The following HGSNAT variants were observed in gnomAD, a reference collection of about 807,000 sequenced individuals.
HGSNAT encodes the protein transmembrane protein 76.
A neutral mutation model predicts 85.2 loss-of-function variants in HGSNAT; 59 were observed. The observed-to-expected ratio is 0.69, with a 90% CI of 0.56 to 0.86. The LOEUF (loss-of-function observed/expected upper bound fraction) is 0.86. Ranked by LOEUF, HGSNAT falls within the 40% of genes least tolerant of loss-of-function variation. HGSNAT has a pLI of 0.00. For missense variants in HGSNAT, 756 were observed against 777.1 expected (o/e 0.97, Z 0.32); for synonymous variants, 321 against 304.5 (o/e 1.05, Z -0.56).
intron 2 of HGSNAT, among the ~76,000 whole-genome samples, chr8:43,148,372 A>T (rs1802781383): frequency 6.6e-6 from 1 of 151,802 alleles, no homozygotes; most frequent in South Asian, 2.1e-4. Context: ...TATATATAGT[A>T]ATGCTATATC....
intron 5 of HGSNAT, among the ~76,000 whole-genome samples, chr8:43,165,044 A>ATTTT (rs1175997527): frequency 2.8e-5 from 2 of 72,028 alleles, no homozygotes; most frequent in Admixed American, 1.5e-4. Context: ...CACCATGATA[A>ATTTT]TTTTTTTTTT....
chr8:43,194,308 G>C (rs1055302844), intron 14 of HGSNAT: 5 of 763,886 alleles, frequency 6.5e-6, no homozygotes, highest in Non-Finnish European at 8.0e-6. Flanking sequence ...TGAGGTAGGA[G>C]TATGGCTTGA....
At chr8:43,148,046 C>T (rs1802771526) in intron 2 of HGSNAT, among the ~76,000 whole-genome samples, 1 of 152,044 alleles carries the variant, frequency 6.6e-6, no homozygotes. Context: ...AGTTCGAGAC[C>T]AGCCTGACCA....
intron 4 of HGSNAT, among the ~76,000 whole-genome samples, chr8:43,160,007 A>G (rs1412512308): frequency 1.3e-5 from 2 of 152,236 alleles, no homozygotes; most frequent in African/African-American, 4.8e-5. Flanking sequence ...CAATTTAAGC[A>G]TTAAGAAGAA....
At chr8:43,187,792 T>G (rs552226852) in intron 11 of HGSNAT, among the ~76,000 whole-genome samples, 39 of 152,234 alleles carry the variant, frequency 2.6e-4, no homozygotes, top group Non-Finnish European at 5.3e-4. Flanking sequence ...GGTTGTTCCT[T>G]TCCATGTTTA....
intron 11 of HGSNAT, among the ~76,000 whole-genome samples, chr8:43,188,161 C>G (rs1392084401): frequency 6.6e-6 from 1 of 152,206 alleles, no homozygotes; most frequent in Admixed American, 6.5e-5. Flanking sequence ...GTGGTGTTCT[C>G]TGTATTTCCT....
chr8:43,201,745 C>T lies in HGSNAT; in HGVS notation c.*2176C>T, dbSNP rs1804923365. The T allele has an allele frequency of 6.6e-6, 1 of 152,200 alleles. No homozygotes were observed. Among genetic ancestry groups the T allele is most frequent in the South Asian group, 2.1e-4 (1 of 4,830 alleles). The allele number at this position is 152,200 out of a possible 1,614,324, so 9.4% of individuals were successfully genotyped here. A position where few individuals can be genotyped will look rare whatever the true frequency, so the allele number is the denominator to read the frequency against. On this transcript the variant is annotated 3_prime_UTR_variant, in exon 18 of 18. Transcript: ENST00000379644. The surrounding 1 kb of genome is among the most constrained non-coding windows in gnomAD (Gnocchi z 4.4). The stretch of plus-strand genomic sequence containing the variant: ...GAGCTTCCTAAGGCAAGAATCATGC[C>T]TTGTTGGTTTCTGTATTCCTCATGG...
chr8:43,201,393 T>C lies in HGSNAT; in HGVS notation c.*1824T>C, dbSNP rs547168068. On this transcript the variant is annotated 3_prime_UTR_variant, in exon 18 of 18. Coordinates refer to ENST00000379644, the MANE Select transcript of HGSNAT (RefSeq NM_152419.3). The surrounding 1 kb of genome is among the most constrained non-coding windows in gnomAD (Gnocchi z 4.4). ...TCTCTCCTCCACCTCCCCATCCTCT[T>C]GTCTCCCCTCCCCTCTGAATCCAGC... 1.3e-5 allele frequency: 2 copies of C among 152,624 alleles called. No homozygotes were observed. Among genetic ancestry groups the C allele is most frequent in the East Asian group, 3.9e-4 (2 of 5,180 alleles). The allele number at this position is 152,624 out of a possible 1,614,324, so 9.5% of individuals were successfully genotyped here.
chr8:43,161,861 C>G (rs1183418613), intron 5 of HGSNAT, among the ~76,000 whole-genome samples: 2 of 152,246 alleles, frequency 1.3e-5, no homozygotes, highest in African/African-American at 2.4e-5. Context: ...ACTCCCTTCC[C>G]CCTCTCTGGC....
intron 1 of HGSNAT, among the ~76,000 whole-genome samples, chr8:43,141,611 C>G (rs925362033): frequency 6.6e-6 from 1 of 152,028 alleles, no homozygotes; most frequent in African/African-American, 2.4e-5. Flanking sequence ...CTCTCGCGCC[C>G]TTTTCTTGGT....
chr8:43,169,885 G>C (rs780875490), intron 6 of HGSNAT, among the ~76,000 whole-genome samples: 3 of 152,118 alleles, frequency 2.0e-5, no homozygotes, highest in Non-Finnish European at 2.9e-5. Flanking sequence ...CAGTGGCGTG[G>C]TCTCAACTCG....
chr8:43,191,617 A>G (rs1022141216), intron 12 of HGSNAT, 22 bp downstream of exon 12: 2 of 1,612,520 alleles, frequency 1.2e-6, no homozygotes, highest in Non-Finnish European at 1.7e-6. Context: ...CCTGGGGGTC[A>G]TCCCTTGTGC....
intron 6 of HGSNAT, among the ~76,000 whole-genome samples, chr8:43,169,555 A>G (rs1330568460): frequency 6.6e-6 from 1 of 152,226 alleles, no homozygotes; most frequent in Non-Finnish European, 1.5e-5. Flanking sequence ...CAAAGAAATA[A>G]GAGACAACAA....
At chr8:43,188,459 C>T (rs1341465577) in intron 11 of HGSNAT, among the ~76,000 whole-genome samples, 1 of 152,196 alleles carries the variant, frequency 6.6e-6, no homozygotes, top group African/African-American at 2.4e-5. Flanking sequence ...GTGCATGCAT[C>T]ACGTAGTTCT....
At chr8:43,171,227 A>G (rs1210587427) in intron 7 of HGSNAT, among the ~76,000 whole-genome samples, 1 of 152,238 alleles carries the variant, frequency 6.6e-6, no homozygotes, top group Non-Finnish European at 1.5e-5. Flanking sequence ...ATACACAGGT[A>G]TCAGCTCTTT....
At chr8:43,187,486 G>A (rs1002660773) in intron 11 of HGSNAT, among the ~76,000 whole-genome samples, 19 of 151,610 alleles carry the variant, frequency 1.3e-4, no homozygotes, top group African/African-American at 3.4e-4. Flanking sequence ...TTTGTTTTCC[G>A]TTTACCTGGT....
chr8:43,159,474 G>C (rs1803200171), intron 4 of HGSNAT, among the ~76,000 whole-genome samples: 1 of 152,116 alleles, frequency 6.6e-6, no homozygotes, highest in Non-Finnish European at 1.5e-5. Context: ...TGTAGTCCCA[G>C]CTACTTGGGA....
At chr8:43,179,524 C>T (rs376690935) in intron 10 of HGSNAT, among the ~76,000 whole-genome samples, 88 of 118,390 alleles carry the variant, frequency 7.4e-4, no homozygotes, top group East Asian at 3.2e-3. Context: ...CCGGACGGGG[C>T]GGCTGGCCGA....
At chr8:43,182,890 AT>A (rs543744230) in intron 11 of HGSNAT, among the ~76,000 whole-genome samples, 187 of 152,230 alleles carry the variant, frequency 1.2e-3, no homozygotes, top group African/African-American at 4.4e-3. Flanking sequence ...CTTTATGTCA[AT>A]TTTTTTATTA....
Sources: gnomAD v4.1 joint callset for allele counts (sites outside exome capture counted in the v4.1 genomes callset) on GRCh38, gnomAD v4.1.1 for gene constraint, Gnocchi (gnomAD v3.1) non-coding constraint, MANE v1.5 for transcripts, NCBI Gene and HGNC (gene_info 2026-07-23, HGNC 2026-07-21) for gene names.